The following RABEP1 variants were observed in gnomAD, a reference collection of about 807,000 sequenced individuals.
RABEP1 encodes rabaptin, RAB GTPase binding effector protein 1.
In RABEP1, 51 loss-of-function variants were observed where a neutral mutation model predicts 123.4. That is an observed-to-expected ratio of 0.41 (90% CI 0.33 to 0.52). The LOEUF (loss-of-function observed/expected upper bound fraction) is 0.52, where lower values mean the gene tolerates loss of function less well. RABEP1 is among the 20% of genes least tolerant of loss of function. RABEP1 has a pLI of 0.16. For missense variants in RABEP1, 888 were observed against 996.3 expected, an observed-to-expected ratio of 0.89 and a Z score of 1.46; for synonymous variants, 347 against 355.2, an observed-to-expected ratio of 0.98 and a Z score of 0.26.
chr17:5,360,359 G>A (rs142821498), intron 8 of RABEP1, among the ~76,000 whole-genome samples: 20 of 152,280 alleles, frequency 1.3e-4, no homozygotes, highest in Non-Finnish European at 2.8e-4. Context: ...TCAGGAGAGC[G>A]AGACCATCCT....
intron 1 of RABEP1, among the ~76,000 whole-genome samples, chr17:5,291,829 T>C (rs951122683): frequency 1.3e-5 from 2 of 152,062 alleles, no homozygotes; most frequent in African/African-American, 4.8e-5. Context: ...CATCTGAACC[T>C]GGGAGGTGGA....
At chr17:5,283,597 G>A (rs7209046) in intron 1 of RABEP1, among the ~76,000 whole-genome samples, 84,905 of 152,110 alleles carry the variant, frequency 0.56, 24,933 homozygotes, top group East Asian at 0.97. Context: ...TTAAGTGTGA[G>A]TAGAGTAGAA....
chr17:5,343,670 C>CTTTTTTTTTTT (rs753410845), intron 5 of RABEP1, among the ~76,000 whole-genome samples: 63 of 99,932 alleles, frequency 6.3e-4, no homozygotes, highest in South Asian at 1.5e-3. Context: ...TTTCTTTTCT[C>CTTTTTTTTTTT]TTTTTTTTTT....
intron 2 of RABEP1, among the ~76,000 whole-genome samples, chr17:5,318,359 C>T (rs144310817): frequency 3.5e-4 from 53 of 151,604 alleles, no homozygotes; most frequent in African/African-American, 1.2e-3. Context: ...TACTGGTGGG[C>T]GAAAAGTAGT....
chr17:5,382,509 G>A (rs551260740), intron 17 of RABEP1, among the ~76,000 whole-genome samples: 2 of 151,738 alleles, frequency 1.3e-5, no homozygotes, highest in South Asian at 2.1e-4. Flanking sequence ...AGCAGTATGG[G>A]AGGCTGACAT....
rs147286135 is a variant in RABEP1, at chr17:5,381,548, T to C, written c.2487+43T>C. 47 of 1,592,192 alleles carry C rather than the reference T, an allele frequency of 3.0e-5. No individual in the cohort carries two copies. In the African/African-American group the frequency reaches 5.8e-4, roughly 20 times the overall value. On this transcript the variant is annotated intron_variant, in intron 17 of 17. Transcript: ENST00000537505. ...CCACATACAGAGCACGAAGGCAGTT[T>C]TGGGGGACAGAACCTTGCCGATCCC... is the stretch of plus-strand genomic sequence containing the variant.
chr17:5,347,014 A>T (rs1226763645), intron 6 of RABEP1, 89 bp downstream of exon 6: 1 of 1,067,368 alleles, frequency 9.4e-7, no homozygotes, highest in East Asian at 2.9e-5. Flanking sequence ...ATCTTAAAAT[A>T]ACAATGCAAC....
intron 10 of RABEP1, among the ~76,000 whole-genome samples, chr17:5,363,752 T>C (rs1345859367): frequency 6.6e-6 from 1 of 152,250 alleles, no homozygotes; most frequent in Non-Finnish European, 1.5e-5. Context: ...TGCATATTAC[T>C]CATTTCTTGT....
chr17:5,338,103 G>T lies in RABEP1; in HGVS notation c.613G>T (p.Ala205Ser). ...IAALKDKLTE[A>S]EDKIKELEAS... Reference sequence around the variant, plus strand: ...AGCTTTGAAGGATAAACTGACAGAGGCTGAAGACAAAATTAAAGAGCTGGA... The same window carrying T: ...AGCTTTGAAGGATAAACTGACAGAGTCTGAAGACAAAATTAAAGAGCTGGA... Residue 205 changes from alanine to serine, a missense_variant, in exon 5 of 18, where the codon GCT (alanine) becomes TCT (serine). Coordinates refer to ENST00000537505, the MANE Select transcript of RABEP1 (RefSeq NM_004703.6). The T allele has an allele frequency of 1.2e-6, 2 of 1,613,436 alleles. No individual in the cohort carries two copies. Among genetic ancestry groups the T allele is most frequent in the Non-Finnish European group, 1.7e-6 (2 of 1,179,524 alleles).
intron 15 of RABEP1, among the ~76,000 whole-genome samples, 192 bp from the exon 16 acceptor site, chr17:5,380,172 C>T (rs146525150): frequency 5.4e-4 from 82 of 152,182 alleles, no homozygotes; most frequent in African/African-American, 1.7e-3. Context: ...ATAGTAGGCA[C>T]CTAATAATGG....
intron 2 of RABEP1, among the ~76,000 whole-genome samples, chr17:5,328,203 T>A (rs1347256396): frequency 6.6e-6 from 1 of 152,222 alleles, no homozygotes. Context: ...GTAGTGTATT[T>A]GTGATGTTTT....
chr17:5,334,183 C>T (rs967644477), intron 3 of RABEP1, among the ~76,000 whole-genome samples: 3 of 151,188 alleles, frequency 2.0e-5, no homozygotes, highest in Admixed American at 6.6e-5. Flanking sequence ...ACAGACATGG[C>T]GACATCACAC....
chr17:5,348,484 C>T (rs1019377394), intron 6 of RABEP1, among the ~76,000 whole-genome samples: 4 of 152,158 alleles, frequency 2.6e-5, no homozygotes, highest in Admixed American at 2.0e-4. Context: ...AGAAACAGGC[C>T]AGGACATAGA....
chr17:5,335,242 G>A lies in RABEP1; in HGVS notation c.426G>A (p.Gln142=). The A allele has an allele frequency of 6.2e-7, 1 of 1,614,056 alleles. No individual in the cohort carries two copies. The change falls in exon 4 of 18, where the codon CAG becomes CAA. Residue 142 remains glutamine, a synonymous_variant. Transcript: ENST00000537505. ...TTAGGCTGGAGCAGGAGCGAACACA[G>A]TGGGCACAGTATAGAGAATCCGCAG... ...FHLRLEQERT[Q]WAQYRESAER...
chr17:5,305,761 A>G (rs1055677384), intron 1 of RABEP1, among the ~76,000 whole-genome samples: 2 of 152,242 alleles, frequency 1.3e-5, no homozygotes, highest in Non-Finnish European at 2.9e-5. Flanking sequence ...AAATACCAGC[A>G]GAATTAGCAC....
intron 13 of RABEP1, among the ~76,000 whole-genome samples, chr17:5,375,805 A>G (rs1046527471): frequency 2.0e-5 from 3 of 152,074 alleles, no homozygotes; most frequent in Admixed American, 1.3e-4. Flanking sequence ...CTCTTTTGTC[A>G]GGAAAGAATC....
rs546801955 is a variant in RABEP1 at position 5,373,575 on chromosome 17, T to G, written c.2025+121T>G. The G allele has an allele frequency of 4.4e-6, 5 of 1,147,596 alleles. 1 individual carries two copies. The highest frequency in any genetic ancestry group is 5.2e-5 in the East Asian group (2 of 38,554). 71.1% of individuals were successfully genotyped at this position (1,147,596 alleles called of 1,614,324 possible). A position where few individuals can be genotyped will look rare whatever the true frequency, so the allele number is the denominator to read the frequency against. On this transcript the variant is annotated intron_variant, in intron 13 of 17. Coordinates refer to ENST00000537505, the MANE Select transcript of RABEP1 (RefSeq NM_004703.6). ...CACGTGCCAATTCAACCATTTAAAA[T>G]GTACCATTCAGTGGTTTTTGCTGTA...
In RABEP1 at chr17:5,282,313, C is replaced by T. The variant is rs1017788068; in HGVS notation, c.-174C>T. The T allele has an allele frequency of 3.0e-5, 13 of 433,734 alleles. No homozygotes were observed. Among genetic ancestry groups the T allele is most frequent in the Admixed American group, 4.4e-5 (1 of 22,616 alleles). 26.9% of individuals were successfully genotyped at this position (433,734 alleles called of 1,614,324 possible). Reference sequence around the variant, plus strand: ...GGATGAGGAGGCGGAGGTCGGCGGTCGGGTCCGTCTCTGCCCGCGGCTGTG... The same window carrying T: ...GGATGAGGAGGCGGAGGTCGGCGGTTGGGTCCGTCTCTGCCCGCGGCTGTG... On this transcript the variant is annotated 5_prime_UTR_variant, in exon 1 of 18. Coordinates refer to ENST00000537505, the MANE Select transcript of RABEP1 (RefSeq NM_004703.6).
Position 5,282,483 on chromosome 17 carries a change from G to T in RABEP1, c.-4G>T. The T allele has an allele frequency of 5.3e-6, 7 of 1,327,370 alleles. No homozygotes were observed. Among genetic ancestry groups the T allele is most frequent in the Non-Finnish European group, 4.8e-6 (5 of 1,035,256 alleles). 82.2% of individuals were successfully genotyped at this position (1,327,370 alleles called of 1,614,324 possible). A position where few individuals can be genotyped will look rare whatever the true frequency, so the allele number is the denominator to read the frequency against. On this transcript the variant is annotated 5_prime_UTR_variant, in exon 1 of 18. Transcript: ENST00000537505. The stretch of plus-strand genomic sequence containing the variant: ...CCCCGCTCCCCGAGGCCGGCCGCCT[G>T]GTCATGGCGCAGCCGGGCCCGGCTT...
Sources: allele counts gnomAD v4.1 joint callset (sites outside exome capture counted in the v4.1 genomes callset), GRCh38; gene constraint gnomAD v4.1.1; transcripts MANE v1.5; gene names NCBI Gene and HGNC (gene_info 2026-07-23, HGNC 2026-07-21).